CTNND2: variants seen among roughly 807,000 people sequenced by gnomAD.
The protein encoded by CTNND2 is catenin delta 2.
Under a neutral mutation model 144.4 loss-of-function variants are expected in CTNND2, and 22 were observed. That is an observed-to-expected ratio of 0.15 (90% CI 0.11 to 0.22). CTNND2 has a LOEUF of 0.22. CTNND2 is among the 10% of genes least tolerant of loss of function. The pLI is 1.00. For synonymous variants in CTNND2, 751 were observed against 695.6 expected (o/e 1.08, Z -1.25); for missense variants, 1,353 against 1,618.8 (o/e 0.84, Z 2.82).
At chr5:11,748,855 G>C (rs999154554) in intron 1 of CTNND2, among the ~76,000 whole-genome samples, 9 of 151,964 alleles carry the variant, frequency 5.9e-5, no homozygotes, top group African/African-American at 2.2e-4. Context: ...CTCCCCTTGA[G>C]AGTGGGCTAG....
At chr5:11,210,904 G>A (rs925507755) in intron 10 of CTNND2, among the ~76,000 whole-genome samples, 1 of 152,176 alleles carries the variant, frequency 6.6e-6, no homozygotes, top group Non-Finnish European at 1.5e-5. Context: ...CAAGGAACCT[G>A]TGGAGTCAGG....
intron 3 of CTNND2, among the ~76,000 whole-genome samples, chr5:11,431,819 G>C (rs1763312738): frequency 6.6e-6 from 1 of 152,146 alleles, no homozygotes; most frequent in South Asian, 2.1e-4. Context: ...CAAGTAACTT[G>C]GTGTTGTTAA....
intron 1 of CTNND2, among the ~76,000 whole-genome samples, chr5:11,823,237 T>C (rs780373611): frequency 3.3e-5 from 5 of 152,214 alleles, no homozygotes; most frequent in Non-Finnish European, 7.3e-5. Flanking sequence ...ACTTCATGTC[T>C]TCCAAAAGAC....
intron 10 of CTNND2, among the ~76,000 whole-genome samples, chr5:11,213,420 G>A (rs1738843630): frequency 6.6e-6 from 1 of 152,014 alleles, no homozygotes; most frequent in South Asian, 2.1e-4. Context: ...CATTTCTATT[G>A]AACACAAAGA....
intron 1 of CTNND2, among the ~76,000 whole-genome samples, chr5:11,895,862 G>A (rs1247976647): frequency 2.0e-5 from 3 of 152,000 alleles, no homozygotes; most frequent in Non-Finnish European, 2.9e-5. Context: ...TTTAACCTCA[G>A]GAATATTAAT....
At chr5:11,483,972 G>C (rs540044935) in intron 3 of CTNND2, among the ~76,000 whole-genome samples, 1 of 152,148 alleles carries the variant, frequency 6.6e-6, no homozygotes, top group Non-Finnish European at 1.5e-5. Context: ...ACTGAAAGCA[G>C]GCATAGTCAT....
chr5:11,881,055 C>CACT (rs773853671), intron 1 of CTNND2, among the ~76,000 whole-genome samples: 1 of 148,244 alleles, frequency 6.7e-6, no homozygotes, highest in African/African-American at 2.5e-5. Flanking sequence ...CTACTACTAC[C>CACT]ACTACTACTA....
chr5:11,205,194 T>C (rs528867189), intron 10 of CTNND2, among the ~76,000 whole-genome samples: 3 of 152,276 alleles, frequency 2.0e-5, no homozygotes, highest in Non-Finnish European at 4.4e-5. Context: ...TATATATGTA[T>C]AGCATATCAT....
chr5:11,511,232 T>A (rs1433485915), intron 3 of CTNND2, among the ~76,000 whole-genome samples: 4 of 152,176 alleles, frequency 2.6e-5, no homozygotes, highest in African/African-American at 9.7e-5. Flanking sequence ...TAAGAAAAAA[T>A]ATCTAACATT....
At chr5:11,202,961 C>G (rs552502502) in intron 10 of CTNND2, among the ~76,000 whole-genome samples, 1 of 152,210 alleles carries the variant, frequency 6.6e-6, no homozygotes, top group South Asian at 2.1e-4. Flanking sequence ...CATGCCATCA[C>G]GTCTGGCTAA....
intron 3 of CTNND2, among the ~76,000 whole-genome samples, chr5:11,459,189 AT>A (rs940517245): frequency 6.6e-6 from 1 of 152,200 alleles, no homozygotes; most frequent in Non-Finnish European, 1.5e-5. Context: ...TTTTGTTATT[AT>A]TGTTGTTATA....
intron 2 of CTNND2, among the ~76,000 whole-genome samples, chr5:11,637,591 C>T (rs975726058): frequency 3.9e-5 from 6 of 152,080 alleles, no homozygotes; most frequent in Non-Finnish European, 8.8e-5. Flanking sequence ...ATTAGACTAG[C>T]ACACACATTC....
At chr5:11,499,450 T>A (rs970235552) in intron 3 of CTNND2, among the ~76,000 whole-genome samples, 1 of 152,226 alleles carries the variant, frequency 6.6e-6, no homozygotes, top group Non-Finnish European at 1.5e-5. Flanking sequence ...AAGCATTTCA[T>A]AAACATAGAG....
intron 12 of CTNND2, among the ~76,000 whole-genome samples, chr5:11,145,055 G>A (rs1341755037): frequency 2.0e-5 from 3 of 152,098 alleles, no homozygotes; most frequent in East Asian, 3.9e-4. Context: ...TGAGGGATGT[G>A]AGGCTGTCAC....
At chr5:10,977,234 C>T (rs1465056063) in intron 21 of CTNND2, among the ~76,000 whole-genome samples, 9 of 152,296 alleles carry the variant, frequency 5.9e-5, no homozygotes, top group Admixed American at 2.6e-4. Context: ...GGCCTGCTCA[C>T]GTGACAGTGG....
intron 2 of CTNND2, among the ~76,000 whole-genome samples, chr5:11,709,214 C>T (rs995250882): frequency 2.0e-5 from 3 of 152,186 alleles, no homozygotes; most frequent in African/African-American, 7.2e-5. Flanking sequence ...TTTCCCACTT[C>T]TACAGCAGAA....
At chr5:11,381,976 A>G (rs1758531763) in intron 7 of CTNND2, among the ~76,000 whole-genome samples, 1 of 145,530 alleles carries the variant, frequency 6.9e-6, no homozygotes, top group South Asian at 2.3e-4. Context: ...CAAAAAAACA[A>G]AAAAACAAAA....
At chr5:11,647,354 G>T (rs1352534008) in intron 2 of CTNND2, among the ~76,000 whole-genome samples, 1 of 152,054 alleles carries the variant, frequency 6.6e-6, no homozygotes, top group African/African-American at 2.4e-5. Flanking sequence ...CAACTGGACA[G>T]GATGCTGTTC....
chr5:11,302,178 T>C (rs1379787030), intron 9 of CTNND2, among the ~76,000 whole-genome samples: 1 of 152,158 alleles, frequency 6.6e-6, no homozygotes, highest in Non-Finnish European at 1.5e-5. Context: ...TCCCCTAAGG[T>C]TGGCTCTTCC....
Sources: gnomAD v4.1 joint callset for allele counts (sites outside exome capture counted in the v4.1 genomes callset) on GRCh38, gnomAD v4.1.1 for gene constraint, MANE v1.5 for transcripts, NCBI Gene and HGNC (gene_info 2026-07-23, HGNC 2026-07-21) for gene names.